Variants in DOCK5 observed in about 807,000 individuals in gnomAD.
DOCK5 encodes dedicator of cytokinesis 5, also known as dedicator of cytokinesis protein 5.
A neutral mutation model predicts 251.8 loss-of-function variants in DOCK5; 142 were observed. The ratio of observed to expected loss-of-function variants is 0.56; its 90% CI spans 0.49 to 0.65. The LOEUF (loss-of-function observed/expected upper bound fraction) is 0.65. Among genes scored for constraint, DOCK5 ranks in the 30% least tolerant of loss-of-function variants. The probability of loss-of-function intolerance (pLI) is 0.00; values close to 1 mark genes in which losing one functional copy is unlikely to be tolerated. For missense variants in DOCK5, 2,111 were observed against 2,312.3 expected, an observed-to-expected ratio of 0.91 and a Z score of 1.79; for synonymous variants, 842 against 835.5, an observed-to-expected ratio of 1.01 and a Z score of -0.13.
At chr8:25,256,765 T>G (rs1388541033) in intron 2 of DOCK5, among the ~76,000 whole-genome samples, 1 of 152,158 alleles carries the variant, frequency 6.6e-6, no homozygotes, top group Admixed American at 6.5e-5. Context: ...ATAACCAATT[T>G]GGGTAACTTT....
intron 5 of DOCK5, among the ~76,000 whole-genome samples, chr8:25,286,627 G>A (rs961617139): frequency 1.3e-5 from 2 of 151,440 alleles, no homozygotes; most frequent in Non-Finnish European, 2.9e-5. Flanking sequence ...CAGAGAAAGG[G>A]TTTTTGACTG....
chr8:25,341,936 C>G lies in DOCK5; in HGVS notation c.2510+127C>G, dbSNP rs926908641. The G allele has an allele frequency of 2.0e-5, 15 of 759,582 alleles. No individual in the cohort carries two copies. The East Asian group carries it at 3.3e-4, about 16-fold the overall frequency. 47.1% of individuals were successfully genotyped at this position (759,582 alleles called of 1,614,324 possible). ...AGTATTAACTGAATACCTTTTTGTG[C>G]TCAGTTCTGTGGAAGATGCAAAAGA... On this transcript the variant is annotated intron_variant, in intron 24 of 51. Transcript: ENST00000276440.
intron 13 of DOCK5, among the ~76,000 whole-genome samples, chr8:25,311,436 G>C (rs983331690): frequency 6.7e-6 from 1 of 149,892 alleles, no homozygotes; most frequent in Non-Finnish European, 1.5e-5. Context: ...CCAGCTACTC[G>C]GGAGGCTGAG....
At chr8:25,236,984 C>T (rs564362459) in intron 1 of DOCK5, among the ~76,000 whole-genome samples, 8 of 152,068 alleles carry the variant, frequency 5.3e-5, no homozygotes, top group African/African-American at 1.9e-4. Context: ...TTTGTAGATT[C>T]TATCAGGTGA....
At chr8:25,242,001 T>A (rs1464414634) in intron 1 of DOCK5, among the ~76,000 whole-genome samples, 1 of 111,202 alleles carries the variant, frequency 9.0e-6, no homozygotes, top group Non-Finnish European at 1.9e-5. Flanking sequence ...TGGGGCCTTT[T>A]GGGGGGTGGG....
intron 1 of DOCK5, among the ~76,000 whole-genome samples, chr8:25,224,094 T>A (rs1802459689): frequency 6.6e-6 from 1 of 152,178 alleles, no homozygotes; most frequent in Non-Finnish European, 1.5e-5. Flanking sequence ...TATACTATCC[T>A]TGAGTTCCAA....
chr8:25,291,985 T>G (rs78044122), intron 5 of DOCK5, 39 bp from the exon 6 acceptor site: 61,942 of 1,506,036 alleles, frequency 0.041, 1,911 homozygotes, highest in South Asian at 0.11. Context: ...TCACACCTTT[T>G]TCTAAGAATC....
intron 27 of DOCK5, among the ~76,000 whole-genome samples, chr8:25,354,894 G>A (rs965653210): frequency 5.3e-5 from 8 of 152,158 alleles, no homozygotes; most frequent in Admixed American, 1.3e-4. Context: ...TTTTTAGCGT[G>A]AAATCACCAG....
At chr8:25,203,118 C>T (rs1029162765) in intron 1 of DOCK5, among the ~76,000 whole-genome samples, 4 of 152,166 alleles carry the variant, frequency 2.6e-5, no homozygotes, top group Non-Finnish European at 5.9e-5. Flanking sequence ...TCTTGGCCAG[C>T]CATTTCTGGT....
chr8:25,218,076 T>A (rs1205378386), intron 1 of DOCK5, among the ~76,000 whole-genome samples: 2 of 152,242 alleles, frequency 1.3e-5, no homozygotes, highest in Non-Finnish European at 1.5e-5. Context: ...AGGTGGCTGA[T>A]GGGACTGAAA....
chr8:25,220,885 C>G (rs527862157), intron 1 of DOCK5, among the ~76,000 whole-genome samples: 116 of 152,070 alleles, frequency 7.6e-4, no homozygotes, highest in Middle Eastern at 3.4e-3. Flanking sequence ...ATTACAGGCA[C>G]GAGCCACTGC....
intron 1 of DOCK5, among the ~76,000 whole-genome samples, chr8:25,220,540 A>G (rs547340024): frequency 7.5e-6 from 1 of 133,940 alleles, no homozygotes; most frequent in East Asian, 2.0e-4. Flanking sequence ...AGCACGTTTC[A>G]TGTGTTCTGT....
rs1177173700 is a variant in DOCK5, at chr8:25,235,863, T to A, written c.44-7811T>A. Among the ~76,000 whole-genome samples the A allele has an allele frequency of 2.7e-5, 4 of 148,296 alleles. No individual in the cohort carries two copies. The East Asian group carries it at 6.0e-4, about 22-fold the overall frequency. On this transcript the variant is annotated intron_variant, in intron 1 of 51. Transcript: ENST00000276440. ...TGCAGGCTGGAGTGCAGTGGCACGA[T>A]CTCAGCTCACTGCAACCTCCACCTC... is the stretch of plus-strand genomic sequence containing the variant.
intron 13 of DOCK5, among the ~76,000 whole-genome samples, chr8:25,316,708 G>A (rs956310008): frequency 6.6e-6 from 1 of 152,100 alleles, no homozygotes; most frequent in African/African-American, 2.4e-5. Flanking sequence ...AAAACCGTCT[G>A]CCACTGTAAC....
intron 3 of DOCK5, among the ~76,000 whole-genome samples, chr8:25,269,780 C>T (rs1803857346): frequency 6.6e-6 from 1 of 152,190 alleles, no homozygotes; most frequent in Non-Finnish European, 1.5e-5. Flanking sequence ...ACAATTAGTT[C>T]ACATGCCAAA....
intron 4 of DOCK5, among the ~76,000 whole-genome samples, chr8:25,278,287 GCTC>G (rs1423789282): frequency 1.3e-5 from 2 of 150,656 alleles, no homozygotes; most frequent in Non-Finnish European, 3.0e-5. Flanking sequence ...AGCCAGCCTG[GCTC>G]AGTAATCGAG....
chr8:25,246,285 A>G (rs1013329759), intron 2 of DOCK5, among the ~76,000 whole-genome samples: 2 of 151,614 alleles, frequency 1.3e-5, no homozygotes, highest in Non-Finnish European at 2.9e-5. Flanking sequence ...TGTTTTTTGT[A>G]TTTTTTGGAG....
chr8:25,323,987 C>T (rs780828658), intron 17 of DOCK5, 36 bp downstream of exon 17: 1 of 1,545,336 alleles, frequency 6.5e-7, no homozygotes, highest in Non-Finnish European at 8.8e-7. Context: ...AAAAATACTC[C>T]CTTTCAAATG....
chr8:25,278,519 G>T, intron 4 of DOCK5, 50 bp from the exon 5 acceptor site: 1 of 1,555,274 alleles, frequency 6.4e-7, no homozygotes, highest in Non-Finnish European at 8.9e-7. Context: ...ATCAAGTAAA[G>T]CAGTGCTGAT....
Sources: gnomAD v4.1 joint callset for allele counts (sites outside exome capture counted in the v4.1 genomes callset) on GRCh38, gnomAD v4.1.1 for gene constraint, MANE v1.5 for transcripts, NCBI Gene and HGNC (gene_info 2026-07-23, HGNC 2026-07-21) for gene names.